The following NOB1 variants were observed in gnomAD, a reference collection of about 807,000 sequenced individuals.
The protein encoded by NOB1 is RNA-binding protein NOB1.
A neutral mutation model predicts 44.8 loss-of-function variants in NOB1; 44 were observed. The ratio of observed to expected loss-of-function variants is 0.98; its 90% confidence interval spans 0.77 to 1.26. NOB1 has a LOEUF of 1.26. NOB1 is among the 50% of genes most tolerant of loss of function. The pLI, the probability that NOB1 is intolerant of heterozygous loss-of-function variation, is 0.00. For synonymous variants in NOB1, 238 were observed against 218.7 expected (o/e 1.09, Z -0.78); for missense variants, 560 against 544.8 (o/e 1.03, Z -0.28).
chr16:69,748,757 C>G (rs2038455216), intron 6 of NOB1, 161 bp downstream of exon 6: 1 of 619,068 alleles, frequency 1.6e-6, no homozygotes, highest in African/African-American at 1.8e-5. Flanking sequence ...TGACGATTGT[C>G]TAGCCTCTAA....
intron 2 of NOB1, 27 bp downstream of exon 2, chr16:69,754,567 C>T: frequency 1.9e-6 from 3 of 1,611,368 alleles, no homozygotes; most frequent in Non-Finnish European, 2.5e-6. Context: ...CCCAGCTTCC[C>T]GTCAACGCTA....
chr16:69,742,464 C>G lies in NOB1; in HGVS notation c.1107G>C (p.Gly369=). 6.2e-7 allele frequency: 1 copy of G among 1,614,204 alleles called. No homozygotes were observed. Among genetic ancestry groups the G allele is most frequent in the Non-Finnish European group, 8.5e-7 (1 of 1,180,038 alleles). ...TNVFAPDYIA[G]VSPFVENDIS... ...TGTCATTCTCGACAAAGGGTGACAC[C>G]CCGGCGATGTAGTCAGGGGCGAACA... is the stretch of plus-strand genomic sequence containing the variant. The change falls in exon 9 of 9, where the codon GGG becomes GGC. Residue 369 remains glycine (G), a synonymous_variant. Coordinates refer to ENST00000268802, the MANE Select transcript of NOB1 (RefSeq NM_014062.3).
chr16:69,745,399 G>A (rs750526240), intron 7 of NOB1, among the ~76,000 whole-genome samples: 34 of 152,214 alleles, frequency 2.2e-4, no homozygotes, highest in Admixed American at 3.9e-4. Flanking sequence ...AGGTCACCCA[G>A]CTGGTCCATG....
chr16:69,742,081 A>C lies in NOB1; in HGVS notation c.*251T>G. On this transcript the variant is annotated 3_prime_UTR_variant, in exon 9 of 9. Coordinates refer to ENST00000268802, the MANE Select transcript of NOB1 (RefSeq NM_014062.3). ...AATTCCTTTCTTGAAGATTGGCTCC[A>C]GGGCGTTGTTCTTTCTGTTTTTATG... 1 of 452,918 alleles carries C rather than the reference A, an allele frequency of 2.2e-6. No homozygotes were observed. The allele number at this position is 452,918 out of a possible 1,614,324, so 28.1% of individuals were successfully genotyped here.
At chr16:69,752,397 A>T (rs757616862) in intron 2 of NOB1, 26 bp from the exon 3 acceptor site, 20 of 1,601,922 alleles carry the variant, frequency 1.2e-5, no homozygotes, top group Non-Finnish European at 1.7e-5. Flanking sequence ...TTACATCTTC[A>T]GTTAGAGGTA....
rs372860357 is a variant in NOB1, at chr16:69,752,354, T to C, written c.214A>G (p.Lys72Glu). 1.2e-6 allele frequency: 2 copies of C among 1,613,088 alleles called. No homozygotes were observed. The highest frequency in any genetic ancestry group is 2.7e-5 in the African/African-American group (2 of 74,924). ...YVRLVTEFSK[K>E]TGDYPSLSAT... ...GAGAGGCTGGGGTAGTCTCCTGTTT[T>C]CTTTGAAAACTCAGTCACTGTAAAC... Residue 72 changes from lysine (K) to glutamate (E), a missense_variant, in exon 3 of 9, where the codon AAA becomes GAA. Coordinates refer to ENST00000268802, the MANE Select transcript of NOB1 (RefSeq NM_014062.3).
At chr16:69,743,273 C>G (rs150236748) in intron 8 of NOB1, among the ~76,000 whole-genome samples, 57 of 152,272 alleles carry the variant, frequency 3.7e-4, no homozygotes, top group African/African-American at 1.3e-3. Context: ...AATACCAGGT[C>G]ATAAACATGG....
At chr16:69,748,193 T>C in intron 7 of NOB1, 39 bp downstream of exon 7, 1 of 1,469,806 alleles carries the variant, frequency 6.8e-7, no homozygotes, top group East Asian at 2.3e-5. Flanking sequence ...GGAAGAGTGT[T>C]CCACAGAGGG....
chr16:69,748,101 G>A (rs1027579906), intron 7 of NOB1, 131 bp downstream of exon 7: 1 of 609,886 alleles, frequency 1.6e-6, no homozygotes, highest in Non-Finnish European at 2.9e-6. Flanking sequence ...GGAGGCAGAG[G>A]TTGCAGTGAG....
At chr16:69,742,850 T>C (rs895250635) in intron 8 of NOB1, among the ~76,000 whole-genome samples, 1 of 152,020 alleles carries the variant, frequency 6.6e-6, no homozygotes, top group African/African-American at 2.4e-5. Context: ...AATACAGAAA[T>C]AGAAATACAA....
Position 69,749,276 on chromosome 16 carries a change from A to G in NOB1, c.462T>C (p.Phe154=), listed in dbSNP as rs759429035. Residue 154 remains phenylalanine, a synonymous_variant, in exon 5 of 9, where the codon TTT becomes TTC. Transcript: ENST00000268802. The stretch of plus-strand genomic sequence containing the variant: ...GGTTTCTCCAGAACATGAAGGAACT[A>G]AATTCCAGGTTCTCAGGCTCACAAG... ...HSACEPENLE[F]SSFMFWRNPL... is the part of the protein sequence containing the mutation. 2 of 1,613,182 alleles carry G rather than the reference A, an allele frequency of 1.2e-6. No homozygotes were observed. The highest frequency in any genetic ancestry group is 2.2e-5 in the South Asian group (2 of 90,790).
intron 7 of NOB1, among the ~76,000 whole-genome samples, chr16:69,745,290 G>A (rs958634017): frequency 6.6e-6 from 1 of 152,198 alleles, no homozygotes; most frequent in African/African-American, 2.4e-5. Flanking sequence ...CACACCGCCA[G>A]GCCCTGTTCT....
chr16:69,743,419 T>C (rs1037019677), intron 8 of NOB1, among the ~76,000 whole-genome samples: 2 of 152,196 alleles, frequency 1.3e-5, no homozygotes, highest in Admixed American at 1.3e-4. Flanking sequence ...TAAATAACTT[T>C]ACAGGGGATT....
rs74560902 is a variant in NOB1 at position 69,754,915 on chromosome 16, G to T, written c.-5C>A. 784 of 1,577,260 alleles carry T rather than the reference G, an allele frequency of 5.0e-4. 5 individuals are homozygous for T. The African/African-American group carries it at 9.9e-3, about 20-fold the overall frequency. ...AACGTGCTCCACTGGAGCCATGTTG[G>T]CTGCGTGAGAGGGGAGCGCGCATGC... On this transcript the variant is annotated 5_prime_UTR_variant, in exon 1 of 9. Coordinates refer to ENST00000268802, the MANE Select transcript of NOB1 (RefSeq NM_014062.3).
chr16:69,749,700 G>A (rs1484756420), intron 3 of NOB1, 70 bp from the exon 4 acceptor site: 15 of 1,153,314 alleles, frequency 1.3e-5, no homozygotes, highest in Admixed American at 4.7e-5. Flanking sequence ...TTTTTTGGCC[G>A]GGCACGATGG....
chr16:69,742,188 G>A lies in NOB1; in HGVS notation c.*144C>T, dbSNP rs898920394. On this transcript the variant is annotated 3_prime_UTR_variant, in exon 9 of 9. Transcript: ENST00000268802. ...AGTCCAGTTCCCTGCAGACCCAGCG[G>A]GGCATGGGCGGACAGAGCCGCACCG... 5.8e-6 allele frequency: 6 copies of A among 1,042,474 alleles called. No individual in the cohort carries two copies. The African/African-American group carries it at 9.6e-5, about 17-fold the overall frequency. 64.6% of individuals were successfully genotyped at this position (1,042,474 alleles called of 1,614,324 possible). A position where few individuals can be genotyped will look rare whatever the true frequency, so the allele number is the denominator to read the frequency against.
chr16:69,749,887 A>C (rs1224583075), intron 3 of NOB1, among the ~76,000 whole-genome samples: 2 of 151,424 alleles, frequency 1.3e-5, no homozygotes, highest in African/African-American at 2.4e-5. Flanking sequence ...CTGAAGCAGG[A>C]GAATTCCTTG....
At chr16:69,752,101 A>G in intron 3 of NOB1, 140 bp downstream of exon 3, 2 of 741,908 alleles carry the variant, frequency 2.7e-6, no homozygotes, top group African/African-American at 1.8e-5. Flanking sequence ...GGATCAGTGT[A>G]GATGAATACA....
intron 4 of NOB1, 78 bp from the exon 5 acceptor site, chr16:69,749,416 T>A: frequency 6.4e-7 from 1 of 1,566,594 alleles, no homozygotes; most frequent in Non-Finnish European, 8.7e-7. Context: ...AAATCACATA[T>A]GATATACAAG....
Sources: gnomAD v4.1 joint callset for allele counts (sites outside exome capture counted in the v4.1 genomes callset) on GRCh38, gnomAD v4.1.1 for gene constraint, MANE v1.5 for transcripts, NCBI Gene and HGNC (gene_info 2026-07-23, HGNC 2026-07-21) for gene names.